RAB3C: variants seen among roughly 807,000 people sequenced by gnomAD.
The protein encoded by RAB3C is ras-related protein Rab-3C.
RAB3C carries 17 observed loss-of-function variants against 26.4 expected under a neutral mutation model. That is an observed-to-expected ratio of 0.64 (90% confidence interval 0.44 to 0.97). RAB3C has a LOEUF of 0.97. Among genes scored for constraint, RAB3C ranks in the 50% least tolerant of loss-of-function variants. The pLI is 0.00. For synonymous variants in RAB3C, 91 were observed against 95.9 expected, an observed-to-expected ratio of 0.95 and a Z score of 0.30; for missense variants, 242 against 281.9, an observed-to-expected ratio of 0.86 and a Z score of 1.01.
intron 2 of RAB3C, among the ~76,000 whole-genome samples, chr5:58,619,948 C>T (rs1228988144): frequency 6.6e-6 from 1 of 151,972 alleles, no homozygotes; most frequent in Non-Finnish European, 1.5e-5. Flanking sequence ...CCAACCAAAG[C>T]TCAGATCCCT....
chr5:58,603,796 C>CT (rs1746504663), intron 1 of RAB3C, among the ~76,000 whole-genome samples: 1 of 152,114 alleles, frequency 6.6e-6, no homozygotes, highest in South Asian at 2.1e-4. Flanking sequence ...TGCCTTAATT[C>CT]TTTTTCAGGC....
chr5:58,594,782 T>C (rs552832977), intron 1 of RAB3C, among the ~76,000 whole-genome samples: 2 of 152,026 alleles, frequency 1.3e-5, no homozygotes, highest in African/African-American at 2.4e-5. Context: ...TTTAAATGTT[T>C]AGTGTTTTTA....
intron 3 of RAB3C, among the ~76,000 whole-genome samples, chr5:58,789,033 G>T (rs1003459588): frequency 5.3e-5 from 8 of 152,106 alleles, no homozygotes; most frequent in Non-Finnish European, 7.3e-5. Flanking sequence ...CTGGGAATGG[G>T]GGTGCATGCG....
At chr5:58,635,428 C>A (rs983061119) in intron 2 of RAB3C, among the ~76,000 whole-genome samples, 6 of 152,112 alleles carry the variant, frequency 3.9e-5, no homozygotes, top group African/African-American at 9.7e-5. Context: ...AAGGCTCCTG[C>A]CTCCAAAAAA....
intron 1 of RAB3C, 166 bp downstream of exon 1, chr5:58,583,398 G>T: frequency 1.0e-6 from 1 of 955,482 alleles, no homozygotes; most frequent in Non-Finnish European, 1.2e-6. Context: ...TTTACGCTCT[G>T]TGTGGCTGTG....
At chr5:58,762,634 A>G (rs1191896206) in intron 3 of RAB3C, among the ~76,000 whole-genome samples, 1 of 152,218 alleles carries the variant, frequency 6.6e-6, no homozygotes, top group Non-Finnish European at 1.5e-5. Context: ...CAGAGGTTAC[A>G]GTGAGCTGAC....
chr5:58,704,717 A>G (rs1263555625), intron 2 of RAB3C, among the ~76,000 whole-genome samples: 3 of 152,060 alleles, frequency 2.0e-5, no homozygotes, highest in African/African-American at 7.2e-5. Flanking sequence ...TGGTTGCCAT[A>G]TTTTCAGAAG....
rs1561260628 is a variant in RAB3C at position 58,597,117 on chromosome 5, ATACATAATATATAATATAATAATATATAC to A, written c.24+13899_24+13927del. On this transcript the variant is annotated intron_variant, in intron 1 of 4. Coordinates refer to ENST00000282878, the MANE Select transcript of RAB3C (RefSeq NM_138453.4). ...TAATATATATTATATAATATATATA[ATACATAATATATAATATAATAATATATAC>A]TACATAATATATATTATATAATAAT... 6.7e-4 allele frequency among the ~76,000 whole-genome samples: 20 copies of A among 29,676 alleles called. 1 individual carries two copies. Among genetic ancestry groups the A allele is most frequent in the African/African-American group, 2.0e-3 (20 of 9,902 alleles). The allele number at this position is 29,676 out of a possible 152,430, so 19.5% of individuals were successfully genotyped here.
intron 1 of RAB3C, among the ~76,000 whole-genome samples, chr5:58,600,406 T>C (rs1282706372): frequency 3.9e-5 from 6 of 152,116 alleles, no homozygotes; most frequent in African/African-American, 2.4e-5. Flanking sequence ...GGGGATTGCA[T>C]TGGATTTGCA....
chr5:58,583,395 T>C, intron 1 of RAB3C, 163 bp downstream of exon 1: 1 of 961,368 alleles, frequency 1.0e-6, no homozygotes, highest in East Asian at 1.2e-4. Flanking sequence ...TTCTTTACGC[T>C]CTGTGTGGCT....
chr5:58,658,358 G>A (rs181385454), intron 2 of RAB3C, among the ~76,000 whole-genome samples: 35 of 152,314 alleles, frequency 2.3e-4, no homozygotes, highest in Non-Finnish European at 4.3e-4. Flanking sequence ...TCAGCTTGAG[G>A]AGATTTTGGG....
At chr5:58,825,189 A>G (rs764510301) in intron 4 of RAB3C, 27 bp downstream of exon 4, 1 of 1,601,154 alleles carries the variant, frequency 6.2e-7, no homozygotes, top group Non-Finnish European at 8.5e-7. Context: ...TAAGTTAAAA[A>G]GAAAGATAAT....
intron 3 of RAB3C, among the ~76,000 whole-genome samples, chr5:58,800,593 C>T (rs750554243): frequency 2.0e-4 from 31 of 152,222 alleles, no homozygotes; most frequent in South Asian, 1.0e-3. Context: ...CTGCCTGTGG[C>T]GCGCGCATCA....
At chr5:58,657,186 A>G (rs1747795315) in intron 2 of RAB3C, among the ~76,000 whole-genome samples, 1 of 152,142 alleles carries the variant, frequency 6.6e-6, no homozygotes, top group African/African-American at 2.4e-5. Flanking sequence ...CTAAGCTATG[A>G]GGACACAAAG....
chr5:58,638,415 A>G (rs1029477588), intron 2 of RAB3C, among the ~76,000 whole-genome samples: 4 of 151,840 alleles, frequency 2.6e-5, no homozygotes, highest in African/African-American at 7.3e-5. Context: ...CATTTTGTTT[A>G]TGGCATGTTT....
intron 3 of RAB3C, among the ~76,000 whole-genome samples, chr5:58,756,449 G>A (rs1293185407): frequency 1.4e-5 from 2 of 147,106 alleles, no homozygotes; most frequent in African/African-American, 2.5e-5. Context: ...TGTGCAGAAC[G>A]TGCAGGTTTG....
chr5:58,642,028 A>G (rs1747422856), intron 2 of RAB3C, among the ~76,000 whole-genome samples: 1 of 152,216 alleles, frequency 6.6e-6, no homozygotes, highest in Non-Finnish European at 1.5e-5. Context: ...CAATAGTAGT[A>G]ACACCTGTGC....
intron 2 of RAB3C, among the ~76,000 whole-genome samples, chr5:58,684,907 C>T (rs1748413440): frequency 6.6e-6 from 1 of 152,164 alleles, no homozygotes; most frequent in African/African-American, 2.4e-5. Context: ...AGGCCCAGTT[C>T]TGCCCACTGG....
intron 4 of RAB3C, chr5:58,848,325 T>C (rs1744046855): frequency 6.6e-6 from 1 of 152,262 alleles, no homozygotes; most frequent in Non-Finnish European, 1.5e-5. Context: ...TTAATTATTT[T>C]CTGATTATTT....
Sources: gnomAD v4.1 joint callset for allele counts (sites outside exome capture counted in the v4.1 genomes callset) on GRCh38, gnomAD v4.1.1 for gene constraint, MANE v1.5 for transcripts, NCBI Gene and HGNC (gene_info 2026-07-23, HGNC 2026-07-21) for gene names.